Variants in ADARB1 observed in about 807,000 individuals in gnomAD.
ADARB1 encodes the protein adenosine deaminase RNA specific B1, also known as double-stranded RNA-specific editase 1.
ADARB1 carries 10 observed loss-of-function variants against 52.4 expected under a neutral mutation model. The ratio of observed to expected loss-of-function variants is 0.19; its 90% CI spans 0.12 to 0.32. ADARB1 has a LOEUF of 0.32. ADARB1 is among the 10% of genes least tolerant of loss of function. The pLI, the probability that ADARB1 is intolerant of heterozygous loss-of-function variation, is 1.00. For missense variants in ADARB1, 643 were observed against 922.3 expected, an observed-to-expected ratio of 0.70 and a Z score of 3.92; for synonymous variants, 349 against 371.1, an observed-to-expected ratio of 0.94 and a Z score of 0.68.
intron 2 of ADARB1, among the ~76,000 whole-genome samples, chr21:45,141,174 C>T (rs1051903239): frequency 8.5e-5 from 13 of 152,118 alleles, no homozygotes; most frequent in South Asian, 6.2e-4. Flanking sequence ...CCAGCCTGGG[C>T]GACAGAGCGA....
At chr21:45,214,591 C>T (rs936085662) in intron 9 of ADARB1, among the ~76,000 whole-genome samples, 5 of 152,060 alleles carry the variant, frequency 3.3e-5, no homozygotes, top group Admixed American at 6.5e-5. Flanking sequence ...CATTTTTTGG[C>T]ATGTAAGATA....
intron 7 of ADARB1, 35 bp from the exon 8 acceptor site, chr21:45,184,888 C>T: frequency 6.4e-7 from 1 of 1,568,842 alleles, no homozygotes; most frequent in Non-Finnish European, 8.7e-7. Context: ...AGATGGTTTA[C>T]TACCTGTGGG....
chr21:45,123,096 A>C (rs1398635259), intron 1 of ADARB1, among the ~76,000 whole-genome samples: 1 of 152,072 alleles, frequency 6.6e-6, no homozygotes, highest in Non-Finnish European at 1.5e-5. Flanking sequence ...TTTCTAATAC[A>C]TTTTTATTGT....
chr21:45,184,879 G>A, intron 7 of ADARB1, 44 bp from the exon 8 acceptor site: 2 of 1,533,108 alleles, frequency 1.3e-6, no homozygotes, highest in Admixed American at 3.8e-5. Context: ...AAATCAAATA[G>A]ATGGTTTACT....
rs969905589 is a variant in ADARB1, at chr21:45,200,352, G to A, written c.1566-4203G>A. Reference sequence around the variant, plus strand: ...GACCATGGGGTGAGAGGCTCCCATGGGGTTGGCCACCCCACGGTGATTATG... The same window carrying A: ...GACCATGGGGTGAGAGGCTCCCATGAGGTTGGCCACCCCACGGTGATTATG... On this transcript the variant is annotated intron_variant, in intron 8 of 10. Coordinates refer to ENST00000348831, the MANE Select transcript of ADARB1 (RefSeq NM_001112.4). The surrounding 1 kb of genome is among the most constrained non-coding windows in gnomAD (Gnocchi z 5.0). 1.1e-4 allele frequency among the ~76,000 whole-genome samples: 16 copies of A among 152,172 alleles called. No individual in the cohort carries two copies. Among genetic ancestry groups the A allele is most frequent in the African/African-American group, 3.4e-4 (14 of 41,444 alleles).
intron 2 of ADARB1, among the ~76,000 whole-genome samples, chr21:45,148,863 A>G (rs998231369): frequency 6.6e-6 from 1 of 152,120 alleles, no homozygotes; most frequent in African/African-American, 2.4e-5. Context: ...CCATGCCGCC[A>G]TGGGAGAGTT....
At chr21:45,141,258 T>C (rs1274229053) in intron 2 of ADARB1, among the ~76,000 whole-genome samples, 2 of 152,196 alleles carry the variant, frequency 1.3e-5, no homozygotes, top group Non-Finnish European at 2.9e-5. Flanking sequence ...GATTCTATTG[T>C]TTTAAGCTTA....
chr21:45,148,598 C>G (rs754003175), intron 2 of ADARB1, among the ~76,000 whole-genome samples: 1 of 152,146 alleles, frequency 6.6e-6, no homozygotes, highest in African/African-American at 2.4e-5. Context: ...TTGGAGGAGT[C>G]GGTTTGTGAA....
intron 2 of ADARB1, among the ~76,000 whole-genome samples, chr21:45,132,948 G>C (rs753279347): frequency 6.6e-6 from 1 of 152,184 alleles, no homozygotes; most frequent in Non-Finnish European, 1.5e-5. Flanking sequence ...AGAAAATACC[G>C]ACAATCTTCC....
intron 7 of ADARB1, chr21:45,184,680 G>T: frequency 2.5e-6 from 1 of 398,262 alleles, no homozygotes; most frequent in Non-Finnish European, 4.7e-6. Context: ...TAAACTCCTG[G>T]GCTCAAGCGA....
chr21:45,190,996 A>G (rs1434930064), intron 8 of ADARB1, among the ~76,000 whole-genome samples: 2 of 152,172 alleles, frequency 1.3e-5, no homozygotes, highest in Non-Finnish European at 2.9e-5. Context: ...TAGTTTTACA[A>G]TGGACTGGAT....
At chr21:45,083,250 C>T (rs2086218748) in intron 1 of ADARB1, among the ~76,000 whole-genome samples, 1 of 152,080 alleles carries the variant, frequency 6.6e-6, no homozygotes, top group African/African-American at 2.4e-5. Context: ...AGTAGTAGAA[C>T]CTGCATTAAG....
At position 45,200,951 on chromosome 21, in the gene ADARB1, G is replaced by A. The variant is rs2092540935; in HGVS notation, c.1566-3604G>A. The stretch of plus-strand genomic sequence containing the variant: ...TCTGTTCCTAAAGAAATGGCACAAG[G>A]AAAATGAAAGACGAAGAAGGCCAGG... On this transcript the variant is annotated intron_variant, in intron 8 of 10. Coordinates refer to ENST00000348831, the MANE Select transcript of ADARB1 (RefSeq NM_001112.4). The surrounding 1 kb of genome is among the most constrained non-coding windows in gnomAD (Gnocchi z 5.0). 6.6e-6 allele frequency among the ~76,000 whole-genome samples: 1 copy of A among 152,210 alleles called. No homozygotes were observed. The highest frequency in any genetic ancestry group is 2.1e-4 in the South Asian group (1 of 4,834).
At position 45,208,059 on chromosome 21, in the gene ADARB1, G is replaced by A. The variant is rs1175661514; in HGVS notation, c.1747+3323G>A. ...CTTGCTTAGCACTGTGGAAGAGGAA[G>A]TCTCTCGAGCTTTCTCAGACTTTCT... On this transcript the variant is annotated intron_variant, in intron 9 of 10. Transcript: ENST00000348831. The surrounding 1 kb of genome is among the most constrained non-coding windows in gnomAD (Gnocchi z 5.6). Among the ~76,000 whole-genome samples the A allele has an allele frequency of 2.0e-5, 3 of 152,210 alleles. No homozygotes were observed. The highest frequency in any genetic ancestry group is 2.9e-5 in the Non-Finnish European group (2 of 68,042).
chr21:45,090,233 T>C (rs934161830), intron 1 of ADARB1, among the ~76,000 whole-genome samples: 2 of 152,234 alleles, frequency 1.3e-5, no homozygotes, highest in East Asian at 3.8e-4. Flanking sequence ...TTCCTGATAT[T>C]AAACATTCCT....
At chr21:45,178,156 T>C (rs781089364) in intron 4 of ADARB1, among the ~76,000 whole-genome samples, 45 of 152,336 alleles carry the variant, frequency 3.0e-4, no homozygotes, top group South Asian at 1.7e-3. Flanking sequence ...CTTCAGTGTG[T>C]AGGCTAGGAG....
chr21:45,106,029 G>C lies in ADARB1; in HGVS notation c.-219-22373G>C, dbSNP rs543820750. On this transcript the variant is annotated intron_variant, in intron 1 of 10. Coordinates refer to ENST00000348831, the MANE Select transcript of ADARB1 (RefSeq NM_001112.4). ...ATCTAGTGCAGAAATTCTTTTGTAAGAACAAGCTACCCTGATGTCATGTCG... is the reference window on the plus strand; with the variant it reads ...ATCTAGTGCAGAAATTCTTTTGTAACAACAAGCTACCCTGATGTCATGTCG... 7.9e-4 allele frequency among the ~76,000 whole-genome samples: 120 copies of C among 152,336 alleles called. 1 individual carries two copies. Among genetic ancestry groups the C allele is most frequent in the African/African-American group, 2.8e-3 (118 of 41,554 alleles).
In ADARB1 at chr21:45,221,988, A is replaced by G. The variant is rs769295348; in HGVS notation, c.1927-30A>G. On this transcript the variant is annotated intron_variant, in intron 10 of 10. Transcript: ENST00000348831. The surrounding 1 kb of genome is among the most constrained non-coding windows in gnomAD (Gnocchi z 4.9). ...TGTTTTCATCTGTTACAGCGTCAAC[A>G]GTTGCATTTGTTTTTTTATCCCTTC... 4.4e-6 allele frequency: 7 copies of G among 1,604,616 alleles called. No individual in the cohort carries two copies. The Admixed American group carries it at 1.0e-4, about 23-fold the overall frequency.
At chr21:45,198,895 A>T (rs2092487933) in intron 8 of ADARB1, among the ~76,000 whole-genome samples, 1 of 152,216 alleles carries the variant, frequency 6.6e-6, no homozygotes. Context: ...CTATCATTTC[A>T]ATGTGATTTT....
Sources: gnomAD v4.1 joint callset for allele counts (sites outside exome capture counted in the v4.1 genomes callset) on GRCh38, gnomAD v4.1.1 for gene constraint, Gnocchi (gnomAD v3.1) non-coding constraint, MANE v1.5 for transcripts, NCBI Gene and HGNC (gene_info 2026-07-23, HGNC 2026-07-21) for gene names.